Variants in RPS3 observed in about 807,000 individuals in gnomAD.
RPS3 encodes the protein ribosomal protein S3.
A neutral mutation model predicts 25.8 loss-of-function variants in RPS3; 2 were observed. The observed-to-expected ratio is 0.08, with a 90% CI of 0.03 to 0.24. The LOEUF (loss-of-function observed/expected upper bound fraction) is 0.24, where lower values mean the gene tolerates loss of function less well. Ranked by LOEUF, RPS3 falls within the 10% of genes least tolerant of loss-of-function variation. The pLI is 1.00. For missense variants in RPS3, 107 were observed against 307.1 expected (o/e 0.35, Z 4.87); for synonymous variants, 114 against 114.2 (o/e 1.00, Z 0.01).
rs1037656612 is a variant in RPS3 at position 75,402,591 on chromosome 11, C to G, written c.350+145C>G. On this transcript the variant is annotated intron_variant, in intron 4 of 6. Transcript: ENST00000531188. ...TTATAATAAGATACTAAGTCATGCCCTCACTGAACTGGCAGGCTAACAAGA... is the reference window on the plus strand; with the variant it reads ...TTATAATAAGATACTAAGTCATGCCGTCACTGAACTGGCAGGCTAACAAGA... The G allele has an allele frequency of 1.1e-4, 89 of 786,252 alleles. No individual in the cohort carries two copies. The African/African-American group carries it at 1.5e-3, about 13-fold the overall frequency. The allele number at this position is 786,252 out of a possible 1,614,324, so 48.7% of individuals were successfully genotyped here.
chr11:75,405,494 T>TA (rs778337697), intron 6 of RPS3, 120 bp from the exon 7 acceptor site: 17 of 404,082 alleles, frequency 4.2e-5, no homozygotes, highest in Non-Finnish European at 6.7e-5. Context: ...GACAAACCCT[T>TA]ATGTATGCAT....
At chr11:75,417,215 A>G (rs1948406452) in intron 6 of RPS3, among the ~76,000 whole-genome samples, 1 of 152,152 alleles carries the variant, frequency 6.6e-6, no homozygotes, top group East Asian at 1.9e-4. Flanking sequence ...CACATCTGTT[A>G]TCCCAGCACT....
At chr11:75,419,293 C>A (rs1009097857) in intron 6 of RPS3, among the ~76,000 whole-genome samples, 2 of 152,094 alleles carry the variant, frequency 1.3e-5, no homozygotes, top group East Asian at 3.9e-4. Context: ...GTGGCTCATG[C>A]CTGTAATCCC....
intron 6 of RPS3, among the ~76,000 whole-genome samples, chr11:75,415,926 C>A (rs1948393462): frequency 7.3e-6 from 1 of 136,080 alleles, no homozygotes; most frequent in African/African-American, 2.8e-5. Flanking sequence ...CAGTGAGCCG[C>A]GATCGTGCCA....
At chr11:75,410,672 C>G (rs1948347339), downstream of RPS3, among the ~76,000 whole-genome samples, 1 of 152,248 alleles carries the variant, frequency 6.6e-6, no homozygotes, top group African/African-American at 2.4e-5. Flanking sequence ...CGAGATCACG[C>G]CACTGCACTC....
At chr11:75,400,848 C>T in intron 2 of RPS3, 24 bp downstream of exon 2, 1 of 1,605,646 alleles carries the variant, frequency 6.2e-7, no homozygotes. Context: ...GACTGGCCAT[C>T]ACCTATAATT....
At chr11:75,422,299 T>C (rs1160134750), downstream of RPS3, 1 of 337,458 alleles carries the variant, frequency 3.0e-6, no homozygotes, top group East Asian at 4.9e-5. Context: ...CTGTTGTCTA[T>C]AAATCACCCA....
At chr11:75,412,211 T>A (rs1249376502) in intron 6 of RPS3, among the ~76,000 whole-genome samples, 1 of 152,228 alleles carries the variant, frequency 6.6e-6, no homozygotes, top group African/African-American at 2.4e-5. Flanking sequence ...AAGCCTTCCC[T>A]GATCTGGCTC....
At chr11:75,401,374 A>C (rs1435768656) in intron 2 of RPS3, among the ~76,000 whole-genome samples, 1 of 152,144 alleles carries the variant, frequency 6.6e-6, no homozygotes, top group Non-Finnish European at 1.5e-5. Flanking sequence ...TGGTGCATGC[A>C]TGTGGTCCCA....
rs765258151 is a variant in RPS3, at chr11:75,404,163, A to T, written c.494A>T (p.Asn165Ile). The T allele has an allele frequency of 6.2e-7, 1 of 1,614,204 alleles. No homozygotes were observed. The change falls in exon 5 of 7, where the codon AAC (asparagine) becomes ATC (isoleucine). Residue 165 changes from asparagine to isoleucine, a missense_variant. Around this residue, in one of 2 missense-constraint regions of RPS3, gnomAD observed 81 missense variants for 286.8 expected, o/e 0.28. Transcript: ENST00000531188. The surrounding 1 kb of genome is among the most constrained non-coding windows in gnomAD (Gnocchi z 4.6). ...GLMIHSGDPV[N>I]YYVDTAVRHV... ...ATGATCCACAGCGGAGACCCTGTTAACTACTACGTTGACACTGCTGTGCGC... is the reference window on the plus strand; with the variant it reads ...ATGATCCACAGCGGAGACCCTGTTATCTACTACGTTGACACTGCTGTGCGC...
In RPS3 at chr11:75,404,308, G is replaced by A. The variant is rs1200678500; in HGVS notation, c.538+101G>A. ...GGGAGTTTATCATGGAAGTAGCTGG[G>A]CATGTTCATATTCCTTGGTGTATCG... On this transcript the variant is annotated intron_variant, in intron 5 of 6. Transcript: ENST00000531188. This position sits in a 1 kb window ranked among gnomAD's most constrained non-coding sequence, Gnocchi z 4.6. The A allele has an allele frequency of 2.7e-6, 3 of 1,098,134 alleles. No individual in the cohort carries two copies. The African/African-American group carries it at 4.6e-5, about 17-fold the overall frequency. 68.0% of individuals were successfully genotyped at this position (1,098,134 alleles called of 1,614,324 possible).
intron 6 of RPS3, among the ~76,000 whole-genome samples, chr11:75,415,159 C>CT (rs1948385900): frequency 6.6e-6 from 1 of 152,184 alleles, no homozygotes. Context: ...CAGTGCTTTA[C>CT]TAAGGGGACT....
At chr11:75,421,804 A>G (rs1948448895) in exon 7 of RPS3, 1 of 152,264 alleles carries the variant, frequency 6.6e-6, no homozygotes, top group Non-Finnish European at 1.5e-5. Flanking sequence ...ATTTAAGGAC[A>G]GTAACTTTGT....
chr11:75,411,477 C>T (rs189163987), downstream of RPS3, among the ~76,000 whole-genome samples: 11 of 152,274 alleles, frequency 7.2e-5, no homozygotes, highest in Non-Finnish European at 1.2e-4. Context: ...GCAAGCTCCA[C>T]CTCCTGGCTT....
Position 75,404,786 on chromosome 11 carries a change from T to C in RPS3, c.653T>C (p.Leu218Pro). Residue 218 changes from leucine to proline, a missense_variant, in exon 6 of 7, where the codon CTG (leucine) becomes CCG (proline). Physicochemically the swap from Leu to Pro is moderately conservative, Grantham distance 98. This residue lies in a region of RPS3 where 81 missense variants were observed against 286.8 expected (regional missense o/e 0.28). Transcript: ENST00000531188. This position sits in a 1 kb window ranked among gnomAD's most constrained non-coding sequence, Gnocchi z 4.6. ...ATTGTGGAACCCAAAGATGAGATAC[T>C]GCCCACCACCCCCATCTCAGAACAG... ...VSIVEPKDEI[L>P]PTTPISEQKG... 6.2e-7 allele frequency: 1 copy of C among 1,613,890 alleles called. No individual in the cohort carries two copies. The highest frequency in any genetic ancestry group is 8.5e-7 in the Non-Finnish European group (1 of 1,179,990).
chr11:75,409,055 C>G (rs994347075), downstream of RPS3, among the ~76,000 whole-genome samples: 1 of 152,148 alleles, frequency 6.6e-6, no homozygotes, highest in East Asian at 1.9e-4. Flanking sequence ...GGCACAATTT[C>G]ACTGCAAACT....
chr11:75,399,791 A>G (rs766598618), intron 1 of RPS3: 6 of 568,032 alleles, frequency 1.1e-5, no homozygotes, highest in Non-Finnish European at 1.3e-5. Flanking sequence ...GCGCAGAGAG[A>G]TGGGCACCAG....
At chr11:75,399,757 C>G in intron 1 of RPS3, 180 bp downstream of exon 1, 1 of 598,762 alleles carries the variant, frequency 1.7e-6, no homozygotes, top group Non-Finnish European at 3.0e-6. Context: ...CAGGAGGGCG[C>G]TGTGTGGCCG....
intron 6 of RPS3, among the ~76,000 whole-genome samples, chr11:75,414,192 T>G (rs754964585): frequency 1.3e-5 from 2 of 152,176 alleles, no homozygotes; most frequent in Non-Finnish European, 2.9e-5. Flanking sequence ...CCCCACCAAC[T>G]AGGCAAGGTG....
Sources: allele counts gnomAD v4.1 joint callset (sites outside exome capture counted in the v4.1 genomes callset), GRCh38; gene constraint gnomAD v4.1.1; regional missense constraint gnomAD v4.1.1; non-coding constraint Gnocchi (gnomAD v3.1); transcripts MANE v1.5; gene names NCBI Gene and HGNC (gene_info 2026-07-23, HGNC 2026-07-21).